CPNE4: variants seen among roughly 807,000 people sequenced by gnomAD.
CPNE4 encodes copine 4, also known as copine-4.
Under a neutral mutation model 67.9 loss-of-function variants are expected in CPNE4, and 25 were observed. That is an observed-to-expected ratio of 0.37 (90% CI 0.27 to 0.51). The LOEUF is 0.51. CPNE4 is among the 20% of genes least tolerant of loss of function. The pLI is 0.93. For missense variants in CPNE4, 464 were observed against 690.8 expected (o/e 0.67, Z 3.68); for synonymous variants, 242 against 244.9 (o/e 0.99, Z 0.11).
chr3:132,026,880 G>GGCA (rs10662645), intron 1 of CPNE4, among the ~76,000 whole-genome samples: 102,359 of 151,606 alleles, frequency 0.68, 35,329 homozygotes, highest in South Asian at 0.74. Flanking sequence ...GAGGAAATAG[G>GGCA]GACAGGTTTA....
intron 2 of CPNE4, among the ~76,000 whole-genome samples, chr3:131,826,541 T>C (rs2107983048): frequency 6.6e-6 from 1 of 152,332 alleles, no homozygotes; most frequent in African/African-American, 2.4e-5. Context: ...GAGCTCTGTG[T>C]CTTCACAGAC....
chr3:131,685,043 T>C (rs1157219923), intron 6 of CPNE4, among the ~76,000 whole-genome samples: 1 of 152,184 alleles, frequency 6.6e-6, no homozygotes, highest in Non-Finnish European at 1.5e-5. Context: ...GGGAAGCAGA[T>C]TGACTTCCCA....
chr3:132,016,793 A>T (rs1488644492), intron 1 of CPNE4, among the ~76,000 whole-genome samples: 1 of 152,202 alleles, frequency 6.6e-6, no homozygotes, highest in Non-Finnish European at 1.5e-5. Flanking sequence ...CTTCTCCTTC[A>T]TCCATCTAGC....
chr3:131,958,420 T>G (rs909175742), intron 1 of CPNE4, among the ~76,000 whole-genome samples: 6 of 105,268 alleles, frequency 5.7e-5, no homozygotes, highest in African/African-American at 1.6e-4. Flanking sequence ...ACCTGCTGAT[T>G]TGGAAACTGT....
At chr3:131,863,135 T>C (rs2107673312) in intron 2 of CPNE4, among the ~76,000 whole-genome samples, 1 of 152,326 alleles carries the variant, frequency 6.6e-6, no homozygotes, top group Middle Eastern at 3.4e-3. Flanking sequence ...TGGTTCCAAG[T>C]CTTTGATATT....
intron 2 of CPNE4, among the ~76,000 whole-genome samples, chr3:131,740,818 C>A (rs1047519346): frequency 5.3e-5 from 8 of 152,178 alleles, no homozygotes; most frequent in Admixed American, 2.0e-4. Flanking sequence ...GTCTGACTCC[C>A]TGCCCACAAA....
chr3:131,659,004 T>C (rs1014878756), intron 7 of CPNE4, among the ~76,000 whole-genome samples: 5 of 152,218 alleles, frequency 3.3e-5, no homozygotes, highest in Non-Finnish European at 5.9e-5. Context: ...AAAACCTTCC[T>C]GTTGACAAGG....
chr3:131,685,809 T>G (rs1336963236), intron 6 of CPNE4, 66 bp downstream of exon 6: 4 of 1,104,958 alleles, frequency 3.6e-6, no homozygotes, highest in Non-Finnish European at 2.7e-6. Context: ...AAAAGGAGTT[T>G]CTCAAAATAG....
At chr3:131,864,267 A>T (rs2086832467) in intron 2 of CPNE4, among the ~76,000 whole-genome samples, 1 of 151,494 alleles carries the variant, frequency 6.6e-6, no homozygotes, top group Non-Finnish European at 1.5e-5. Flanking sequence ...CTTGATGGGG[A>T]TGGCATTGAA....
At chr3:131,829,596 A>G (rs902123423) in intron 2 of CPNE4, among the ~76,000 whole-genome samples, 2 of 152,222 alleles carry the variant, frequency 1.3e-5, no homozygotes, top group African/African-American at 4.8e-5. Flanking sequence ...TTTAGTTACT[A>G]TCTTTTATCT....
At chr3:131,988,210 G>C (rs2073099854) in intron 1 of CPNE4, among the ~76,000 whole-genome samples, 1 of 152,174 alleles carries the variant, frequency 6.6e-6, no homozygotes. Context: ...TTGAGTTGTT[G>C]AAAGAAGGTC....
chr3:131,722,293 C>G lies in CPNE4; in HGVS notation c.360+1153G>C, dbSNP rs2081907054. ...TTAAGACATATAATTTGGAATCTCT[C>G]TTTGAGAAAAAAAGTACAAAATAAA... is the stretch of plus-strand genomic sequence containing the variant. On this transcript the variant is annotated intron_variant, in intron 3 of 15. Coordinates refer to ENST00000429747, the MANE Select transcript of CPNE4 (RefSeq NM_130808.3). 1.3e-5 allele frequency among the ~76,000 whole-genome samples: 2 copies of G among 152,088 alleles called. 1 individual carries two copies. Among genetic ancestry groups the G allele is most frequent in the South Asian group, 4.2e-4 (2 of 4,814 alleles).
At chr3:131,714,473 A>C (rs906794170) in intron 3 of CPNE4, among the ~76,000 whole-genome samples, 3 of 152,184 alleles carry the variant, frequency 2.0e-5, no homozygotes, top group African/African-American at 7.2e-5. Flanking sequence ...AAACTTTATA[A>C]AGCAACTTTT....
intron 1 of CPNE4, among the ~76,000 whole-genome samples, chr3:131,933,969 A>G (rs189184512): frequency 1.5e-3 from 223 of 152,228 alleles, no homozygotes; most frequent in Middle Eastern, 3.4e-3. Flanking sequence ...TATTTTTTTA[A>G]AGAAAGGAAA....
chr3:131,619,643 A>G (rs190610166), intron 7 of CPNE4, among the ~76,000 whole-genome samples: 1 of 152,286 alleles, frequency 6.6e-6, no homozygotes, highest in African/African-American at 2.4e-5. Flanking sequence ...CCTGATTTCT[A>G]AGCCCGTCCT....
chr3:131,953,009 A>C (rs2107894818), intron 1 of CPNE4, among the ~76,000 whole-genome samples: 1 of 152,034 alleles, frequency 6.6e-6, no homozygotes, highest in African/African-American at 2.4e-5. Flanking sequence ...AGGGCGGTGC[A>C]AGATGTGCTT....
chr3:131,705,389 T>C (rs1018355814), intron 3 of CPNE4, among the ~76,000 whole-genome samples: 22 of 152,170 alleles, frequency 1.4e-4, no homozygotes, highest in African/African-American at 5.1e-4. Flanking sequence ...TGAGAAGCAC[T>C]GAGCTAGAAA....
At chr3:131,832,727 C>T (rs530674856) in intron 2 of CPNE4, among the ~76,000 whole-genome samples, 1 of 152,178 alleles carries the variant, frequency 6.6e-6, no homozygotes, top group East Asian at 1.9e-4. Flanking sequence ...ATAAACTGTA[C>T]CTTCAGTCTC....
At chr3:131,694,872 T>A (rs1009841919) in intron 5 of CPNE4, among the ~76,000 whole-genome samples, 2 of 152,188 alleles carry the variant, frequency 1.3e-5, no homozygotes, top group Non-Finnish European at 2.9e-5. Context: ...TGAACCCTGA[T>A]TGAATTTCTG....
Sources: gnomAD v4.1 joint callset for allele counts (sites outside exome capture counted in the v4.1 genomes callset) on GRCh38, gnomAD v4.1.1 for gene constraint, MANE v1.5 for transcripts, NCBI Gene and HGNC (gene_info 2026-07-23, HGNC 2026-07-21) for gene names.